Variants in DCBLD1 observed in about 807,000 individuals in gnomAD.
DCBLD1 encodes the protein discoidin, CUB and LCCL domain containing 1, also known as discoidin, CUB and LCCL domain-containing protein 1.
Under a neutral mutation model 71.5 loss-of-function variants are expected in DCBLD1, and 57 were observed. The ratio of observed to expected loss-of-function variants is 0.80; its 90% CI spans 0.64 to 0.99. The LOEUF is 0.99. DCBLD1 is among the 50% of genes least tolerant of loss of function. The pLI, the probability that DCBLD1 is intolerant of heterozygous loss-of-function variation, is 0.00. For missense variants in DCBLD1, 891 were observed against 923.5 expected, an observed-to-expected ratio of 0.96 and a Z score of 0.46; for synonymous variants, 380 against 363.8, an observed-to-expected ratio of 1.04 and a Z score of -0.51.
intron 5 of DCBLD1, among the ~76,000 whole-genome samples, chr6:117,530,961 T>A (rs1368136736): frequency 6.6e-6 from 1 of 152,220 alleles, no homozygotes; most frequent in Non-Finnish European, 1.5e-5. Flanking sequence ...ATTCTCATTT[T>A]TTTTCTTTCT....
chr6:117,506,398 G>A (rs567765066), intron 2 of DCBLD1, among the ~76,000 whole-genome samples: 3 of 152,188 alleles, frequency 2.0e-5, no homozygotes, highest in East Asian at 1.9e-4. Flanking sequence ...AGGTGGACTG[G>A]CCCATTATTA....
At chr6:117,491,361 G>A (rs181522458) in intron 1 of DCBLD1, among the ~76,000 whole-genome samples, 1 of 152,150 alleles carries the variant, frequency 6.6e-6, no homozygotes, top group Admixed American at 6.5e-5. Flanking sequence ...TCCCTGGAAA[G>A]CTCCTGCTTT....
intron 7 of DCBLD1, among the ~76,000 whole-genome samples, 198 bp downstream of exon 7, chr6:117,537,423 T>A (rs113742639): frequency 3.6e-4 from 54 of 151,174 alleles, no homozygotes; most frequent in East Asian, 1.2e-3. Context: ...AGTCCCAGCT[T>A]CTCGGGAGGC....
At position 117,521,591 on chromosome 6, in the gene DCBLD1, C is replaced by G; in HGVS notation, c.512+15C>G. 7.1e-6 allele frequency: 11 copies of G among 1,554,234 alleles called. No individual in the cohort carries two copies. Among genetic ancestry groups the G allele is most frequent in the Non-Finnish European group, 9.5e-6 (11 of 1,158,820 alleles). On this transcript the variant is annotated intron_variant, in intron 4 of 14. Coordinates refer to ENST00000338728, the MANE Select transcript of DCBLD1 (RefSeq NM_001366458.2). ...ACAGAATACAGGTAAGTATAGGTAT[C>G]CTAACTGTGTTGCAGTCGTGTATTG...
intron 3 of DCBLD1, among the ~76,000 whole-genome samples, chr6:117,520,232 T>A (rs1420389187): frequency 9.2e-5 from 14 of 152,080 alleles, no homozygotes; most frequent in Admixed American, 9.2e-4. Context: ...TAAAAAAAAT[T>A]TGCAAAAAAT....
At chr6:117,514,934 C>G (rs1434093140) in intron 2 of DCBLD1, among the ~76,000 whole-genome samples, 1 of 150,608 alleles carries the variant, frequency 6.6e-6, no homozygotes, top group Non-Finnish European at 1.5e-5. Flanking sequence ...CTTTTCCTTT[C>G]AACTGTTTCA....
At chr6:117,557,315 G>T in intron 14 of DCBLD1, among the ~76,000 whole-genome samples, 1 of 152,064 alleles carries the variant, frequency 6.6e-6, no homozygotes, top group Non-Finnish European at 1.5e-5. Flanking sequence ...AATATGCCCA[G>T]TGTATATTCT....
At chr6:117,502,229 A>G (rs1022662926) in intron 1 of DCBLD1, among the ~76,000 whole-genome samples, 3 of 152,104 alleles carry the variant, frequency 2.0e-5, no homozygotes, top group African/African-American at 7.2e-5. Flanking sequence ...AATTTCACTA[A>G]TTCTGCCTAG....
chr6:117,530,715 A>T (rs1030085958), intron 5 of DCBLD1, among the ~76,000 whole-genome samples: 4 of 152,172 alleles, frequency 2.6e-5, no homozygotes, highest in Admixed American at 2.6e-4. Context: ...TAAATTCAGG[A>T]CTTTTCCTCT....
intron 7 of DCBLD1, among the ~76,000 whole-genome samples, chr6:117,537,527 C>T: frequency 6.8e-6 from 1 of 147,378 alleles, no homozygotes; most frequent in Non-Finnish European, 1.5e-5. Flanking sequence ...GAGCGAGACT[C>T]CATCTCAAAA....
At chr6:117,569,686 C>T (rs763302164) in exon 15 of DCBLD1, 31 of 1,608,688 alleles carry the variant, frequency 1.9e-5, no homozygotes, top group Admixed American at 6.8e-5. Context: ...CAGCAGGTTG[C>T]CCCGGATGGA....
At chr6:117,493,619 A>T (rs992108749) in intron 1 of DCBLD1, among the ~76,000 whole-genome samples, 5 of 152,216 alleles carry the variant, frequency 3.3e-5, no homozygotes, top group Admixed American at 2.6e-4. Flanking sequence ...GTAATGTGAG[A>T]TTGGGCAATG....
intron 1 of DCBLD1, among the ~76,000 whole-genome samples, chr6:117,489,817 G>A (rs1179014714): frequency 4.6e-5 from 7 of 152,260 alleles, no homozygotes; most frequent in Admixed American, 1.3e-4. Context: ...CCCGGGAGGC[G>A]GAGCTTGCAG....
At chr6:117,524,778 AT>A (rs1778494615) in intron 4 of DCBLD1, among the ~76,000 whole-genome samples, 1 of 152,188 alleles carries the variant, frequency 6.6e-6, no homozygotes, top group Non-Finnish European at 1.5e-5. Context: ...AATAGAATAT[AT>A]TATTAATTTT....
intron 2 of DCBLD1, among the ~76,000 whole-genome samples, chr6:117,508,565 G>A (rs1479432031): frequency 6.6e-6 from 1 of 152,172 alleles, no homozygotes; most frequent in African/African-American, 2.4e-5. Flanking sequence ...TAGTGACCAT[G>A]TAACCTTGAC....
At position 117,548,688 on chromosome 6, in the gene DCBLD1, AG is replaced by A; in HGVS notation, c.*250del. The A allele has an allele frequency of 7.1e-7, 1 of 1,401,438 alleles. No homozygotes were observed. 86.8% of individuals were successfully genotyped at this position (1,401,438 alleles called of 1,614,324 possible). A position where few individuals can be genotyped will look rare whatever the true frequency, so the allele number is the denominator to read the frequency against. On this transcript the variant is annotated 3_prime_UTR_variant, in exon 15 of 15. Coordinates refer to ENST00000338728, the MANE Select transcript of DCBLD1 (RefSeq NM_001366458.2). The stretch of plus-strand genomic sequence containing the variant: ...TTGGGCTAGAAAAATGAAAATTTTC[AG>A]ATGGCGTTTTCATTCCTCTGACTGA...
intron 4 of DCBLD1, among the ~76,000 whole-genome samples, chr6:117,523,235 C>T (rs1379191891): frequency 6.6e-6 from 1 of 152,166 alleles, no homozygotes; most frequent in Non-Finnish European, 1.5e-5. Flanking sequence ...TCAGCTTTAG[C>T]CCAGCCATTT....
intron 2 of DCBLD1, among the ~76,000 whole-genome samples, chr6:117,510,735 T>C (rs531661923): frequency 1.3e-5 from 2 of 152,350 alleles, no homozygotes; most frequent in African/African-American, 4.8e-5. Context: ...TTATTCACAC[T>C]GTAGGGAAAT....
intron 4 of DCBLD1, among the ~76,000 whole-genome samples, chr6:117,522,427 A>C (rs914000954): frequency 1.3e-5 from 2 of 152,018 alleles, no homozygotes; most frequent in African/African-American, 4.8e-5. Context: ...ACACTAACAA[A>C]AACTATGACT....
Sources: gnomAD v4.1 joint callset for allele counts (sites outside exome capture counted in the v4.1 genomes callset) on GRCh38, gnomAD v4.1.1 for gene constraint, MANE v1.5 for transcripts, NCBI Gene and HGNC (gene_info 2026-07-23, HGNC 2026-07-21) for gene names.